Variants in OR9Q1 observed in about 807,000 individuals in gnomAD.
The protein encoded by OR9Q1 is olfactory receptor 9Q1.
For synonymous variants in OR9Q1, 153 were observed against 148.6 expected (o/e 1.03, Z -0.22); for missense variants, 374 against 378.8 (o/e 0.99, Z 0.11).
chr11:58,152,098 T>A (rs535935188), intron 2 of OR9Q1, among the ~76,000 whole-genome samples: 6 of 152,204 alleles, frequency 3.9e-5, no homozygotes, highest in African/African-American at 1.4e-4. Context: ...GATGGAGTAG[T>A]GATTCTACTC....
At chr11:58,036,202 T>C (rs1853099096) in intron 1 of OR9Q1, among the ~76,000 whole-genome samples, 1 of 152,190 alleles carries the variant, frequency 6.6e-6, no homozygotes, top group Admixed American at 6.5e-5. Context: ...CTGATAAATA[T>C]GTGTGTTCCG....
At chr11:58,165,559 ATTG>A (rs1854493108) in intron 2 of OR9Q1, among the ~76,000 whole-genome samples, 1 of 152,090 alleles carries the variant, frequency 6.6e-6, no homozygotes, top group Non-Finnish European at 1.5e-5. Flanking sequence ...CAAACCACTT[ATTG>A]TTACTTGTTT....
chr11:58,093,577 G>A (rs140823821), intron 2 of OR9Q1, among the ~76,000 whole-genome samples: 2 of 151,932 alleles, frequency 1.3e-5, no homozygotes, highest in African/African-American at 4.8e-5. Context: ...TGGCTAACAC[G>A]GTGAAACCTT....
chr11:58,089,858 T>C (rs1169962907), intron 2 of OR9Q1, among the ~76,000 whole-genome samples: 5 of 151,842 alleles, frequency 3.3e-5, no homozygotes, highest in Non-Finnish European at 7.4e-5. Flanking sequence ...CTTGAAAAAG[T>C]CCTTCACATC....
At chr11:58,053,089 C>T (rs11229235) in intron 1 of OR9Q1, among the ~76,000 whole-genome samples, 25,250 of 149,832 alleles carry the variant, frequency 0.17, 1,921 homozygotes, top group South Asian at 0.21. Context: ...CCCAGCTATC[C>T]CATTACTGGG....
At chr11:58,093,322 C>T (rs1853701057) in intron 2 of OR9Q1, among the ~76,000 whole-genome samples, 1 of 151,986 alleles carries the variant, frequency 6.6e-6, no homozygotes, top group Admixed American at 6.6e-5. Context: ...TCAACAACAA[C>T]AAAAATACCA....
chr11:58,031,499 T>C, intron 1 of OR9Q1: 1 of 1,614,206 alleles, frequency 6.2e-7, no homozygotes, highest in Non-Finnish European at 8.5e-7. Flanking sequence ...CCATTTCTCC[T>C]GTGATGCCTC....
intron 1 of OR9Q1, among the ~76,000 whole-genome samples, chr11:58,037,765 C>T (rs59448383): frequency 0.3 from 34,792 of 116,050 alleles, 5,578 homozygotes; most frequent in East Asian, 0.65. Flanking sequence ...GTCGCCCAGG[C>T]TGGGATGCAG....
rs1045218897 is a variant in OR9Q1, at chr11:58,105,819, T to C, written c.-15+49872T>C. On this transcript the variant is annotated intron_variant, in intron 2 of 2. Coordinates refer to ENST00000335397, the MANE Select transcript of OR9Q1 (RefSeq NM_001005212.4). ...GTAAAATTTCCAGTTTAAGGCTGAC[T>C]AATATTCTGTTTTTTTGTCTATACC... is the stretch of plus-strand genomic sequence containing the variant. Among the ~76,000 whole-genome samples, 23 of 21,760 alleles carry C rather than the reference T, an allele frequency of 1.1e-3. No individual in the cohort carries two copies. In the Admixed American group the frequency reaches 0.015, roughly 14 times the overall value. The allele number at this position is 21,760 out of a possible 152,430, so 14.3% of individuals were successfully genotyped here.
intron 2 of OR9Q1, among the ~76,000 whole-genome samples, chr11:58,175,887 T>C (rs941844970): frequency 2.6e-5 from 4 of 151,982 alleles, no homozygotes; most frequent in Non-Finnish European, 5.9e-5. Flanking sequence ...GCTAAAACAA[T>C]ACTATTGTGT....
chr11:58,034,441 T>C (rs532204176), intron 1 of OR9Q1, among the ~76,000 whole-genome samples: 2 of 152,248 alleles, frequency 1.3e-5, no homozygotes, highest in East Asian at 1.9e-4. Flanking sequence ...CATTTTTAAA[T>C]GGTTGAAGAC....
intron 2 of OR9Q1, chr11:58,117,682 G>C (rs550394236): frequency 1.3e-5 from 2 of 152,166 alleles, no homozygotes; most frequent in African/African-American, 2.4e-5. Flanking sequence ...CCTGGAAATG[G>C]GTTGCTTGGT....
intron 2 of OR9Q1, among the ~76,000 whole-genome samples, chr11:58,139,030 C>T (rs919410125): frequency 2.0e-5 from 3 of 151,870 alleles, no homozygotes; most frequent in Non-Finnish European, 4.4e-5. Flanking sequence ...AAAGACAAAG[C>T]AGGGGTGGGG....
intron 2 of OR9Q1, among the ~76,000 whole-genome samples, chr11:58,137,112 C>T (rs1291880915): frequency 6.6e-6 from 1 of 152,180 alleles, no homozygotes; most frequent in African/African-American, 2.4e-5. Context: ...GGCAAATGGG[C>T]AATTTTATTT....
chr11:58,075,362 G>A (rs1853529721), intron 2 of OR9Q1: 1 of 151,976 alleles, frequency 6.6e-6, no homozygotes, highest in African/African-American at 2.4e-5. Context: ...TTATTCTCTA[G>A]CGAAGACTTT....
intron 1 of OR9Q1, among the ~76,000 whole-genome samples, chr11:58,026,999 TAGAG>T (rs1047699632): frequency 3.3e-5 from 5 of 152,202 alleles, no homozygotes; most frequent in African/African-American, 1.2e-4. Flanking sequence ...TGTCAGGCAG[TAGAG>T]GAAGAACTGA....
chr11:58,088,746 G>T (rs1027402074), intron 2 of OR9Q1, among the ~76,000 whole-genome samples: 1 of 151,732 alleles, frequency 6.6e-6, no homozygotes, highest in African/African-American at 2.4e-5. Flanking sequence ...AGGGTAGCTT[G>T]CTAAAATTTT....
chr11:58,137,282 AG>A (rs1473302536), intron 2 of OR9Q1, among the ~76,000 whole-genome samples: 1 of 152,196 alleles, frequency 6.6e-6, no homozygotes, highest in Non-Finnish European at 1.5e-5. Context: ...GCTGGAAGCA[AG>A]GTTTGTTTCA....
chr11:58,066,991 G>A (rs2120009291), intron 2 of OR9Q1, among the ~76,000 whole-genome samples: 1 of 152,168 alleles, frequency 6.6e-6, no homozygotes, highest in South Asian at 2.1e-4. Context: ...GCTAAGGGAG[G>A]GCTGGCTGCA....
Sources: gnomAD v4.1 joint callset for allele counts (sites outside exome capture counted in the v4.1 genomes callset) on GRCh38, gnomAD v4.1.1 for gene constraint, MANE v1.5 for transcripts, NCBI Gene and HGNC (gene_info 2026-07-23, HGNC 2026-07-21) for gene names.